Variants in SETX observed in about 807,000 individuals in gnomAD.
SETX encodes senataxin, also known as helicase senataxin.
SETX carries 90 observed loss-of-function variants against 227.2 expected under a neutral mutation model. The ratio of observed to expected loss-of-function variants is 0.40; its 90% CI spans 0.33 to 0.47. The LOEUF (loss-of-function observed/expected upper bound fraction) is 0.47. SETX is among the 20% of genes least tolerant of loss of function. SETX has a pLI of 0.91. For synonymous variants in SETX, 1,210 were observed against 1,113.2 expected, an observed-to-expected ratio of 1.09 and a Z score of -1.73; for missense variants, 3,052 against 3,181.5, an observed-to-expected ratio of 0.96 and a Z score of 0.98.
chr9:132,338,852 G>T (rs566012129), intron 5 of SETX, among the ~76,000 whole-genome samples: 2 of 152,052 alleles, frequency 1.3e-5, no homozygotes, highest in Non-Finnish European at 2.9e-5. Context: ...CAACCTCCTG[G>T]GCTCAAGTGA....
chr9:132,269,760 AGACAAAGGTG>A, intron 24 of SETX, 58 bp from the exon 25 acceptor site: 1 of 1,546,924 alleles, frequency 6.5e-7, no homozygotes, highest in African/African-American at 1.4e-5. Flanking sequence ...TGCCCATGTG[AGACAAAGGTG>A]GACTCTAGAA....
Position 132,264,469 on chromosome 9 carries a change from G to C in SETX, c.7804C>G (p.Pro2602Ala). 6.2e-7 allele frequency: 1 copy of C among 1,612,836 alleles called. No individual in the cohort carries two copies. The highest frequency in any genetic ancestry group is 8.5e-7 in the Non-Finnish European group (1 of 1,179,466). ...AVVAALSSHK[P>A]PVRGEPPAAS... is the part of the protein sequence containing the mutation. ...GCTGGAGGTTCGCCCCGCACGGGAGGTTTGTGGCTGCTCAGAGCAGCCACT... is the reference window on the plus strand; with the variant it reads ...GCTGGAGGTTCGCCCCGCACGGGAGCTTTGTGGCTGCTCAGAGCAGCCACT... The change falls in exon 26 of 26, where the codon CCT becomes GCT. Residue 2602 changes from proline (P) to alanine (A), a missense_variant. Pro to Ala is a conservative substitution (Grantham distance 27). Around this residue, in one of 10 missense-constraint regions of SETX, gnomAD observed 294 missense variants for 278.8 expected, o/e 1.05. Transcript: ENST00000224140.
rs748017488 is a variant in SETX at position 132,296,046 on chromosome 9, T to C, written c.5950-18A>G. ...CTCTGGTTCTACAATTTGCCACATATACATACCAAACAAACACACAAAAAA... is the reference window on the plus strand; with the variant it reads ...CTCTGGTTCTACAATTTGCCACATACACATACCAAACAAACACACAAAAAA... On this transcript the variant is annotated intron_variant, in intron 14 of 25. Transcript: ENST00000224140. 1.9e-6 allele frequency: 3 copies of C among 1,614,074 alleles called. No individual in the cohort carries two copies. Among genetic ancestry groups the C allele is most frequent in the Admixed American group, 3.3e-5 (2 of 59,996 alleles).
upstream of SETX, among the ~76,000 whole-genome samples, chr9:132,355,798 C>T (rs756378869): frequency 1.1e-4 from 17 of 152,034 alleles, no homozygotes; most frequent in Non-Finnish European, 2.2e-4. Context: ...ACCAGCCTGA[C>T]CAACATGGTG....
At chr9:132,296,679 A>G (rs144380993) in intron 14 of SETX, among the ~76,000 whole-genome samples, 52 of 152,192 alleles carry the variant, frequency 3.4e-4, no homozygotes, top group Non-Finnish European at 6.8e-4. Context: ...TTTGTTTCAC[A>G]TAAGATAGTG....
chr9:132,311,678 C>T, intron 11 of SETX, 79 bp downstream of exon 11: 1 of 1,068,836 alleles, frequency 9.4e-7, no homozygotes, highest in Non-Finnish European at 1.4e-6. Flanking sequence ...CCCCTAAATT[C>T]AAATAATGCT....
intron 9 of SETX, 83 bp downstream of exon 9, chr9:132,330,969 C>G (rs1220987947): frequency 4.6e-6 from 5 of 1,082,822 alleles, no homozygotes; most frequent in Non-Finnish European, 7.1e-6. Flanking sequence ...ATCACAAAAT[C>G]TGCAACTCAA....
At chr9:132,309,870 G>A (rs1370958661) in intron 11 of SETX, among the ~76,000 whole-genome samples, 1 of 152,160 alleles carries the variant, frequency 6.6e-6, no homozygotes, top group Non-Finnish European at 1.5e-5. Context: ...GCAACCTGTA[G>A]CAGAGAAAGA....
At chr9:132,298,631 T>C (rs1487922714) in intron 12 of SETX, among the ~76,000 whole-genome samples, 2 of 152,088 alleles carry the variant, frequency 1.3e-5, no homozygotes, top group Non-Finnish European at 2.9e-5. Flanking sequence ...GATGAAATAT[T>C]TGAGCAGAGA....
At chr9:132,314,736 T>C (rs989732325) in intron 10 of SETX, among the ~76,000 whole-genome samples, 8 of 152,064 alleles carry the variant, frequency 5.3e-5, no homozygotes, top group Non-Finnish European at 8.8e-5. Context: ...CCTAATAATT[T>C]AGTAATTTAA....
chr9:132,330,680 C>G (rs1022158569), intron 9 of SETX, among the ~76,000 whole-genome samples, 181 bp from the exon 10 acceptor site: 1 of 152,150 alleles, frequency 6.6e-6, no homozygotes, highest in Non-Finnish European at 1.5e-5. Flanking sequence ...ATACACCTAA[C>G]TCCCAAGAAA....
At chr9:132,330,935 G>A (rs375780574) in intron 9 of SETX, 117 bp downstream of exon 9, 1 of 804,874 alleles carries the variant, frequency 1.2e-6, no homozygotes. Flanking sequence ...CTTTTACATA[G>A]CAGTAGATTG....
At chr9:132,347,500 C>T (rs524116) in intron 3 of SETX, among the ~76,000 whole-genome samples, 112,044 of 151,378 alleles carry the variant, frequency 0.74, 42,700 homozygotes, top group Non-Finnish European at 0.83. Context: ...TTAGTAGAGA[C>T]GGACTTTCAC....
chr9:132,292,410 G>C (rs907501378), intron 15 of SETX, among the ~76,000 whole-genome samples: 28 of 134,010 alleles, frequency 2.1e-4, no homozygotes, highest in Admixed American at 6.9e-4. Context: ...GCCTGAGCTG[G>C]GGTACAAAAA....
chr9:132,327,957 C>T lies in SETX; in HGVS notation c.3641G>A (p.Arg1214Lys), dbSNP rs763375641. 2 of 1,614,000 alleles carry T rather than the reference C, an allele frequency of 1.2e-6. No homozygotes were observed. The highest frequency in any genetic ancestry group is 8.5e-7 in the Non-Finnish European group (1 of 1,179,992). ...RTSTPNSRIQ[R>K]ATTVSQKKSS... ...CTTCTTTTGTGAAACCGTAGTGGCTCTCTGAATACGTGAATTGGGAGTTGA... is the reference window on the plus strand; with the variant it reads ...CTTCTTTTGTGAAACCGTAGTGGCTTTCTGAATACGTGAATTGGGAGTTGA... Residue 1214 changes from arginine to lysine, a missense_variant, in exon 10 of 26, where the codon AGA becomes AAA. Arg to Lys is a conservative substitution (Grantham distance 26). This residue lies in a region of SETX where 1,483 missense variants were observed against 1,312.0 expected (regional missense o/e 1.13). Transcript: ENST00000224140.
Position 132,328,585 on chromosome 9 carries a change from C to T in SETX, c.3013G>A (p.Val1005Ile), listed in dbSNP as rs1295770236. ...KRCFTANQNN[V>I]GDTSRGQVII... is the part of the protein sequence containing the mutation. ...ACCTGTCCACGGGAGGTATCTCCAA[C>T]ATTATTTTGGTTAGCTGTGAAACAT... is the stretch of plus-strand genomic sequence containing the variant. The change falls in exon 10 of 26, where the codon GTT (valine) becomes ATT (isoleucine). Residue 1005 changes from valine to isoleucine, a missense_variant. This residue lies in a region of SETX where 1,483 missense variants were observed against 1,312.0 expected (regional missense o/e 1.13). Transcript: ENST00000224140. 1.2e-6 allele frequency: 2 copies of T among 1,613,966 alleles called. No homozygotes were observed. Among genetic ancestry groups the T allele is most frequent in the Non-Finnish European group, 1.7e-6 (2 of 1,179,966 alleles).
At position 132,346,412 on chromosome 9, in the gene SETX, T is replaced by C. The variant is rs1848293280; in HGVS notation, c.237A>G (p.Ala79=). 1 of 1,613,816 alleles carries C rather than the reference T, an allele frequency of 6.2e-7. No individual in the cohort carries two copies. The highest frequency in any genetic ancestry group is 8.5e-7 in the Non-Finnish European group (1 of 1,179,846). ...LINHFEKSMK[A]EIGDDDELYI... is the part of the protein sequence containing the mutation. ...ATAACTCATCATCATCTCCAATTTC[T>C]GCCTTCATGGATTTTTCAAAGTGAT... The change falls in exon 4 of 26, where the codon GCA becomes GCG. Residue 79 remains alanine (A), a synonymous_variant. Transcript: ENST00000224140.
chr9:132,334,444 G>A (rs187301671), intron 7 of SETX, among the ~76,000 whole-genome samples, 164 bp downstream of exon 7: 4 of 152,164 alleles, frequency 2.6e-5, no homozygotes, highest in Admixed American at 2.0e-4. Flanking sequence ...GTATGACTTC[G>A]TATCAAAAAA....
intron 11 of SETX, among the ~76,000 whole-genome samples, chr9:132,301,493 T>C (rs1243536481): frequency 6.6e-6 from 1 of 152,216 alleles, no homozygotes; most frequent in Non-Finnish European, 1.5e-5. Flanking sequence ...AATGATGTTG[T>C]GGTCAGTGAT....
Sources: allele counts gnomAD v4.1 joint callset (sites outside exome capture counted in the v4.1 genomes callset), GRCh38; gene constraint gnomAD v4.1.1; regional missense constraint gnomAD v4.1.1; transcripts MANE v1.5; gene names NCBI Gene and HGNC (gene_info 2026-07-23, HGNC 2026-07-21).